Variants in CEP112 observed in about 807,000 individuals in gnomAD.
CEP112 encodes centrosomal protein 112, also known as centrosomal protein of 112 kDa.
A neutral mutation model predicts 153.0 loss-of-function variants in CEP112; 127 were observed. That is an observed-to-expected ratio of 0.83 (90% CI 0.72 to 0.96). The LOEUF is 0.96. CEP112 is among the 40% of genes least tolerant of loss of function. The pLI, the probability that CEP112 is intolerant of heterozygous loss-of-function variation, is 0.00. For missense variants in CEP112, 1,089 were observed against 1,101.2 expected, an observed-to-expected ratio of 0.99 and a Z score of 0.16; for synonymous variants, 358 against 374.4, an observed-to-expected ratio of 0.96 and a Z score of 0.51.
intron 20 of CEP112, among the ~76,000 whole-genome samples, chr17:65,861,876 G>A (rs979942958): frequency 6.6e-6 from 1 of 152,166 alleles, no homozygotes; most frequent in African/African-American, 2.4e-5. Context: ...TATATCTGTT[G>A]AGAATCTCTT....
Position 65,677,042 on chromosome 17 carries a change from A to G in CEP112, c.2697+12087T>C, listed in dbSNP as rs1056249407. ...TGGCTGCTACCTAACTGAGCTGAGA[A>G]GAGCCCCCCAAATAAGTTTGTCAGG... On this transcript the variant is annotated intron_variant, in intron 24 of 26. Coordinates refer to ENST00000535342, the MANE Select transcript of CEP112 (RefSeq NM_001199165.4). Among the ~76,000 whole-genome samples the G allele has an allele frequency of 3.9e-5, 6 of 151,942 alleles. No individual in the cohort carries two copies. In the Admixed American group the frequency reaches 4.0e-4, roughly 10 times the overall value.
At chr17:66,025,334 A>G (rs1171501344) in intron 16 of CEP112, among the ~76,000 whole-genome samples, 1 of 152,166 alleles carries the variant, frequency 6.6e-6, no homozygotes, top group Non-Finnish European at 1.5e-5. Flanking sequence ...CAATAGAGTG[A>G]AAAGACAACC....
rs529166167 is a variant in CEP112 at position 66,038,647 on chromosome 17, T to C, written c.1219-8624A>G. Among the ~76,000 whole-genome samples the C allele has an allele frequency of 3.3e-5, 5 of 152,274 alleles. No individual in the cohort carries two copies. In the East Asian group the frequency reaches 7.7e-4, roughly 23 times the overall value. On this transcript the variant is annotated intron_variant, in intron 12 of 26. Transcript: ENST00000535342. ...ACAATGCAGAAGCAGAATTCAGTGG[T>C]ATATGACAACAGAATCAGGGAAGAA... is the stretch of plus-strand genomic sequence containing the variant.
At chr17:66,039,954 C>T (rs9890524) in intron 12 of CEP112, among the ~76,000 whole-genome samples, 141,150 of 152,252 alleles carry the variant, frequency 0.93, 65,664 homozygotes, top group East Asian at 0.97. Flanking sequence ...AAATAATTTA[C>T]CCATTCTATT....
intron 16 of CEP112, among the ~76,000 whole-genome samples, chr17:66,019,853 T>C (rs1332480648): frequency 6.6e-6 from 1 of 152,178 alleles, no homozygotes. Flanking sequence ...AATATTCCCT[T>C]TCTAGTGTAC....
chr17:65,915,261 A>G (rs2060434268), intron 19 of CEP112, among the ~76,000 whole-genome samples: 1 of 152,062 alleles, frequency 6.6e-6, no homozygotes, highest in African/African-American at 2.4e-5. Flanking sequence ...TTTAAGTCAC[A>G]TTTTAGCCCA....
At position 65,927,803 on chromosome 17, in the gene CEP112, T is replaced by C. The variant is rs372985096; in HGVS notation, c.1873-114A>G. ...ATTTTAAGCACCTCACCAATAATAA[T>C]GATGAATTTAAATGTATTAAAATAA... On this transcript the variant is annotated intron_variant, in intron 18 of 26. Transcript: ENST00000535342. 133 of 514,014 alleles carry C rather than the reference T, an allele frequency of 2.6e-4. 2 individuals are homozygous for C. The East Asian group carries it at 4.4e-3, about 17-fold the overall frequency. 31.8% of individuals were successfully genotyped at this position (514,014 alleles called of 1,614,324 possible).
chr17:66,053,227 T>A (rs1411745793), intron 12 of CEP112, among the ~76,000 whole-genome samples: 2 of 151,290 alleles, frequency 1.3e-5, no homozygotes, highest in Non-Finnish European at 2.9e-5. Context: ...TAAGACTAGG[T>A]ACAGGGGCTC....
At chr17:66,017,449 T>C (rs114124027) in intron 16 of CEP112, among the ~76,000 whole-genome samples, 2 of 152,210 alleles carry the variant, frequency 1.3e-5, no homozygotes, top group African/African-American at 4.8e-5. Context: ...AGAAGCTGTT[T>C]CTCATTTTTA....
intron 6 of CEP112, among the ~76,000 whole-genome samples, chr17:66,097,336 AG>A (rs1390041095): frequency 6.6e-6 from 1 of 152,184 alleles, no homozygotes; most frequent in African/African-American, 2.4e-5. Flanking sequence ...CAGGAAACCT[AG>A]TTCCTACTAC....
At chr17:65,946,724 A>T (rs759408860) in intron 18 of CEP112, among the ~76,000 whole-genome samples, 20 of 151,970 alleles carry the variant, frequency 1.3e-4, no homozygotes, top group South Asian at 4.2e-4. Flanking sequence ...ATTTTTTAAA[A>T]TTTTTTTTAT....
chr17:65,653,366 C>A (rs16962591), intron 24 of CEP112, among the ~76,000 whole-genome samples: 22,109 of 152,152 alleles, frequency 0.15, 2,082 homozygotes, highest in African/African-American at 0.26. Flanking sequence ...ACTTCTACTC[C>A]TTGTGGATTA....
intron 4 of CEP112, among the ~76,000 whole-genome samples, chr17:66,174,741 G>A (rs529061832): frequency 2.2e-4 from 33 of 152,092 alleles, no homozygotes; most frequent in Non-Finnish European, 4.4e-4. Context: ...TGTTCAAGGT[G>A]GATTTGCAGG....
At chr17:65,657,447 T>C (rs939216290) in intron 24 of CEP112, among the ~76,000 whole-genome samples, 6 of 152,180 alleles carry the variant, frequency 3.9e-5, no homozygotes, top group Non-Finnish European at 8.8e-5. Context: ...TCTGGACAGG[T>C]ACATGTTGAA....
intron 21 of CEP112, among the ~76,000 whole-genome samples, chr17:65,803,919 A>G (rs888478639): frequency 6.6e-6 from 1 of 152,214 alleles, no homozygotes; most frequent in Non-Finnish European, 1.5e-5. Flanking sequence ...GTTTATAATG[A>G]TGGACTATTC....
chr17:66,058,665 C>T (rs1037129268), intron 11 of CEP112, among the ~76,000 whole-genome samples: 2 of 151,906 alleles, frequency 1.3e-5, no homozygotes, highest in Admixed American at 6.6e-5. Context: ...GCCTGGGCAA[C>T]ATAGTGAGAC....
intron 16 of CEP112, among the ~76,000 whole-genome samples, chr17:66,025,041 G>A (rs1238077369): frequency 6.6e-6 from 1 of 152,070 alleles, no homozygotes; most frequent in Non-Finnish European, 1.5e-5. Context: ...CTGGGGGAAG[G>A]ACACCCTTTT....
intron 18 of CEP112, among the ~76,000 whole-genome samples, chr17:65,945,782 G>A (rs2061632191): frequency 6.6e-6 from 1 of 152,082 alleles, no homozygotes; most frequent in African/African-American, 2.4e-5. Context: ...GAGTAGCTGG[G>A]ATTACAGGTG....
intron 23 of CEP112, among the ~76,000 whole-genome samples, chr17:65,716,495 A>G (rs1027193531): frequency 6.6e-6 from 1 of 152,120 alleles, no homozygotes; most frequent in Non-Finnish European, 1.5e-5. Flanking sequence ...TGGTTGAAAG[A>G]GACTGAGCGG....
Sources: gnomAD v4.1 joint callset for allele counts (sites outside exome capture counted in the v4.1 genomes callset) on GRCh38, gnomAD v4.1.1 for gene constraint, MANE v1.5 for transcripts, NCBI Gene and HGNC (gene_info 2026-07-23, HGNC 2026-07-21) for gene names.